The following LRP1B variants were observed in gnomAD, a reference collection of about 807,000 sequenced individuals.
The protein encoded by LRP1B is LDL receptor related protein 1B.
A neutral mutation model predicts 556.6 loss-of-function variants in LRP1B; 217 were observed. The ratio of observed to expected loss-of-function variants is 0.39; its 90% CI spans 0.35 to 0.44. The LOEUF is 0.44. LRP1B is among the 20% of genes least tolerant of loss of function. The pLI is 1.00. For synonymous variants in LRP1B, 2,047 were observed against 1,865.8 expected, an observed-to-expected ratio of 1.10 and a Z score of -2.50; for missense variants, 5,053 against 5,620.8, an observed-to-expected ratio of 0.90 and a Z score of 3.23.
chr2:141,555,825 A>C (rs1353272286), intron 2 of LRP1B, among the ~76,000 whole-genome samples: 1 of 151,902 alleles, frequency 6.6e-6, no homozygotes. Context: ...GTCTTTGAAA[A>C]GGTATTCAGC....
intron 1 of LRP1B, among the ~76,000 whole-genome samples, chr2:141,968,114 G>T (rs1342519650): frequency 6.6e-6 from 1 of 151,736 alleles, no homozygotes; most frequent in Non-Finnish European, 1.5e-5. Flanking sequence ...ACAAATTTTG[G>T]CAGCAGGTCA....
intron 20 of LRP1B, among the ~76,000 whole-genome samples, chr2:140,940,268 A>G (rs1395142896): frequency 2.0e-5 from 3 of 152,244 alleles, no homozygotes; most frequent in East Asian, 3.9e-4. Flanking sequence ...ACAATTTTTT[A>G]TATGTTTATT....
chr2:141,010,482 C>A (rs1471583166), intron 14 of LRP1B, among the ~76,000 whole-genome samples: 1 of 151,932 alleles, frequency 6.6e-6, no homozygotes, highest in Non-Finnish European at 1.5e-5. Flanking sequence ...TATCTACCTT[C>A]CTGAAATTCA....
chr2:142,097,560 T>A (rs559145044), intron 1 of LRP1B, among the ~76,000 whole-genome samples: 1 of 151,650 alleles, frequency 6.6e-6, no homozygotes, highest in South Asian at 2.1e-4. Context: ...TTGAAAGACA[T>A]GAAATGTACA....
At chr2:140,326,461 C>T (rs1266614998) in intron 79 of LRP1B, among the ~76,000 whole-genome samples, 1 of 149,262 alleles carries the variant, frequency 6.7e-6, no homozygotes, top group Non-Finnish European at 1.5e-5. Context: ...TGTGGTGGCT[C>T]ACGCCTGTAA....
At chr2:140,701,641 C>T (rs1234428046) in intron 40 of LRP1B, 80 bp downstream of exon 40, 1 of 1,390,360 alleles carries the variant, frequency 7.2e-7, no homozygotes, top group Admixed American at 2.2e-5. Context: ...AGAAGAATTT[C>T]TAAGTTTGAC....
chr2:141,485,540 T>C (rs1207334374), intron 2 of LRP1B, among the ~76,000 whole-genome samples: 1 of 152,098 alleles, frequency 6.6e-6, no homozygotes, highest in South Asian at 2.1e-4. Context: ...GTTTGAGAAA[T>C]AGCAATGCCT....
At chr2:141,461,568 T>A (rs183295126) in intron 3 of LRP1B, among the ~76,000 whole-genome samples, 18 of 152,304 alleles carry the variant, frequency 1.2e-4, no homozygotes, top group Non-Finnish European at 2.5e-4. Flanking sequence ...AGGAAACATT[T>A]GGATATCCCC....
chr2:140,277,593 A>G (rs947918917), intron 84 of LRP1B, among the ~76,000 whole-genome samples: 1 of 151,956 alleles, frequency 6.6e-6, no homozygotes, highest in African/African-American at 2.4e-5. Context: ...CTGGGCAACA[A>G]GAGTGAAACT....
rs185838186 is a variant in LRP1B at position 141,195,525 on chromosome 2, A to G, written c.851-6942T>C. On this transcript the variant is annotated intron_variant, in intron 6 of 90. Transcript: ENST00000389484. ...ATAACTCAGTAGTCAAATCCCTGCA[A>G]CTTTTAAAGATGAATTTTGTTGGCT... is the stretch of plus-strand genomic sequence containing the variant. 7.2e-5 allele frequency among the ~76,000 whole-genome samples: 11 copies of G among 152,244 alleles called. No homozygotes were observed. In the East Asian group the frequency reaches 2.1e-3, roughly 30 times the overall value.
intron 66 of LRP1B, among the ~76,000 whole-genome samples, chr2:140,428,110 C>A (rs1438132138): frequency 6.6e-6 from 1 of 152,094 alleles, no homozygotes; most frequent in Non-Finnish European, 1.5e-5. Flanking sequence ...AGCCCTAGAC[C>A]CTAAAAGGTC....
chr2:140,254,203 G>A (rs1024148105), intron 86 of LRP1B, among the ~76,000 whole-genome samples: 1 of 152,048 alleles, frequency 6.6e-6, no homozygotes, highest in East Asian at 1.9e-4. Flanking sequence ...TTAAAATAAA[G>A]CAGTTTAATA....
At chr2:141,540,866 A>G (rs1685233569) in intron 2 of LRP1B, among the ~76,000 whole-genome samples, 1 of 152,036 alleles carries the variant, frequency 6.6e-6, no homozygotes, top group Non-Finnish European at 1.5e-5. Context: ...TTAAAATGCC[A>G]TGTCAATAGT....
At chr2:141,897,313 G>A (rs748936603) in intron 1 of LRP1B, among the ~76,000 whole-genome samples, 17 of 152,142 alleles carry the variant, frequency 1.1e-4, no homozygotes, top group African/African-American at 3.4e-4. Flanking sequence ...GGTAGCTGAT[G>A]CTAGCACTCA....
chr2:140,891,519 T>A (rs1373332586), intron 23 of LRP1B, among the ~76,000 whole-genome samples: 1 of 152,198 alleles, frequency 6.6e-6, no homozygotes, highest in African/African-American at 2.4e-5. Flanking sequence ...TATTTTATGT[T>A]CTTACATTTA....
intron 15 of LRP1B, among the ~76,000 whole-genome samples, chr2:140,996,141 T>C (rs1195260437): frequency 1.3e-5 from 2 of 152,138 alleles, no homozygotes; most frequent in Non-Finnish European, 2.9e-5. Context: ...TCTTAGATTC[T>C]TCATTGTTCT....
chr2:141,512,267 C>T (rs1035429590), intron 2 of LRP1B, among the ~76,000 whole-genome samples: 1 of 152,074 alleles, frequency 6.6e-6, no homozygotes, highest in Non-Finnish European at 1.5e-5. Context: ...TGAGTATTGT[C>T]ATACTAATAT....
chr2:141,064,005 G>A (rs144315156), intron 7 of LRP1B, among the ~76,000 whole-genome samples: 301 of 151,892 alleles, frequency 2.0e-3, no homozygotes, highest in Middle Eastern at 6.8e-3. Context: ...TGAAGATGAA[G>A]CCTTCTCTAA....
chr2:141,498,356 C>CTTTTTT (rs67454706), intron 2 of LRP1B, among the ~76,000 whole-genome samples: 8 of 144,088 alleles, frequency 5.6e-5, no homozygotes, highest in Non-Finnish European at 6.0e-5. Context: ...CTTTAAAATC[C>CTTTTTT]TTTTTTTTTT....
Sources: gnomAD v4.1 joint callset for allele counts (sites outside exome capture counted in the v4.1 genomes callset) on GRCh38, gnomAD v4.1.1 for gene constraint, MANE v1.5 for transcripts, NCBI Gene and HGNC (gene_info 2026-07-23, HGNC 2026-07-21) for gene names.